CSMD1: variants seen among roughly 807,000 people sequenced by gnomAD.
CSMD1 encodes the protein CUB and sushi domain-containing protein 1.
A neutral mutation model predicts 417.5 loss-of-function variants in CSMD1; 213 were observed. The observed-to-expected ratio is 0.51, with a 90% confidence interval of 0.46 to 0.57. The LOEUF is 0.57. Ranked by LOEUF, CSMD1 falls within the 20% of genes least tolerant of loss-of-function variation. The probability of loss-of-function intolerance (pLI) is 0.00; values close to 1 mark genes in which losing one functional copy is unlikely to be tolerated. For synonymous variants in CSMD1, 2,862 were observed against 1,736.8 expected, an observed-to-expected ratio of 1.65 and a Z score of -16.11; for missense variants, 6,923 against 4,529.7, an observed-to-expected ratio of 1.53 and a Z score of -15.17.
At chr8:4,265,144 G>C (rs1381925851) in intron 3 of CSMD1, among the ~76,000 whole-genome samples, 3 of 152,042 alleles carry the variant, frequency 2.0e-5, no homozygotes, top group Non-Finnish European at 4.4e-5. Flanking sequence ...ATTTGACCTC[G>C]ACTATTATTA....
intron 3 of CSMD1, among the ~76,000 whole-genome samples, chr8:4,273,546 G>C (rs777331426): frequency 7.4e-4 from 112 of 152,208 alleles, no homozygotes; most frequent in Non-Finnish European, 3.1e-4. Context: ...TCAATTTTCA[G>C]TTAAGCAATG....
intron 2 of CSMD1, among the ~76,000 whole-genome samples, chr8:4,457,850 G>A (rs1435133442): frequency 6.6e-6 from 1 of 152,070 alleles, no homozygotes; most frequent in African/African-American, 2.4e-5. Context: ...TGACTTCCGA[G>A]GCTTGGCACC....
chr8:4,587,569 C>A (rs1463607055), intron 2 of CSMD1, among the ~76,000 whole-genome samples: 1 of 151,924 alleles, frequency 6.6e-6, no homozygotes. Flanking sequence ...GATACAGAAC[C>A]TTTCCTAGAT....
chr8:3,949,461 T>C (rs758627465), intron 5 of CSMD1, among the ~76,000 whole-genome samples: 1 of 152,168 alleles, frequency 6.6e-6, no homozygotes, highest in Non-Finnish European at 1.5e-5. Flanking sequence ...AAAGGATACA[T>C]TTTAAGCACC....
chr8:2,968,242 G>A (rs546010822), intron 57 of CSMD1, among the ~76,000 whole-genome samples: 4 of 152,342 alleles, frequency 2.6e-5, no homozygotes, highest in South Asian at 2.1e-4. Context: ...AACAGGTACT[G>A]TGTGGATGGG....
intron 12 of CSMD1, among the ~76,000 whole-genome samples, chr8:3,412,445 C>T (rs973811810): frequency 2.0e-5 from 3 of 152,042 alleles, no homozygotes; most frequent in African/African-American, 7.2e-5. Flanking sequence ...AGAGGTTGAT[C>T]CAGAGATGTT....
intron 52 of CSMD1, among the ~76,000 whole-genome samples, chr8:3,008,874 C>A (rs1808165401): frequency 6.6e-6 from 1 of 152,164 alleles, no homozygotes; most frequent in Non-Finnish European, 1.5e-5. Context: ...TACTTGTTGG[C>A]CGATTTACCT....
intron 3 of CSMD1, among the ~76,000 whole-genome samples, chr8:4,409,429 G>C (rs1241975233): frequency 6.6e-6 from 1 of 151,802 alleles, no homozygotes; most frequent in East Asian, 1.9e-4. Flanking sequence ...TGTCATTTTA[G>C]AATAAAAACA....
intron 1 of CSMD1, among the ~76,000 whole-genome samples, chr8:4,730,327 T>C (rs1809761541): frequency 6.6e-6 from 1 of 152,180 alleles, no homozygotes; most frequent in Admixed American, 6.5e-5. Flanking sequence ...TTCAAAGAAA[T>C]GTTGCAGGCT....
chr8:3,724,577 G>A (rs1802381102), intron 6 of CSMD1, among the ~76,000 whole-genome samples: 1 of 152,070 alleles, frequency 6.6e-6, no homozygotes, highest in African/African-American at 2.4e-5. Flanking sequence ...CTCTGGGCTG[G>A]GAGAGGAATT....
intron 1 of CSMD1, among the ~76,000 whole-genome samples, chr8:4,717,723 AG>A (rs1421375209): frequency 6.6e-6 from 1 of 152,094 alleles, no homozygotes; most frequent in East Asian, 1.9e-4. Context: ...CATACAGTGG[AG>A]CCATGTTTGC....
intron 2 of CSMD1, among the ~76,000 whole-genome samples, chr8:4,469,458 A>C (rs1244273734): frequency 1.3e-5 from 2 of 152,216 alleles, no homozygotes; most frequent in Non-Finnish European, 2.9e-5. Context: ...TATTGGCTAC[A>C]TTTAGAGAAC....
intron 3 of CSMD1, among the ~76,000 whole-genome samples, chr8:4,273,273 C>A (rs950843826): frequency 1.3e-5 from 2 of 152,076 alleles, no homozygotes; most frequent in Non-Finnish European, 2.9e-5. Context: ...TATTAGTTCA[C>A]AAATGAATGT....
intron 1 of CSMD1, among the ~76,000 whole-genome samples, chr8:4,714,404 A>G (rs1471922013): frequency 2.6e-5 from 4 of 152,230 alleles, no homozygotes; most frequent in African/African-American, 9.6e-5. Flanking sequence ...CATCAACTGA[A>G]AGACAAAAAT....
intron 3 of CSMD1, among the ~76,000 whole-genome samples, chr8:4,166,971 ACT>A (rs1221090955): frequency 1.3e-4 from 20 of 152,336 alleles, no homozygotes; most frequent in African/African-American, 4.6e-4. Flanking sequence ...TGCTGAAGGC[ACT>A]GTGCTTTCTG....
At chr8:3,023,774 T>G (rs1362460676) in intron 51 of CSMD1, among the ~76,000 whole-genome samples, 8 of 149,998 alleles carry the variant, frequency 5.3e-5, no homozygotes, top group Non-Finnish European at 1.2e-4. Flanking sequence ...TTCCAGCTCC[T>G]AAGCAAATAA....
rs1011814439 is a variant in CSMD1, at chr8:4,033,369, G to A, written c.416-1270C>T. Among the ~76,000 whole-genome samples the A allele has an allele frequency of 3.3e-5, 5 of 152,216 alleles. No homozygotes were observed. In the East Asian group the frequency reaches 9.7e-4, roughly 30 times the overall value. ...AGGCAGGAGAATGGCGTGAACCCGG[G>A]AGGCGGAGCTTGCGGTGAGCCGAGA... is the stretch of plus-strand genomic sequence containing the variant. On this transcript the variant is annotated intron_variant, in intron 3 of 69. Coordinates refer to ENST00000635120, the MANE Select transcript of CSMD1 (RefSeq NM_033225.6).
chr8:3,548,659 TACACACACACAC>T (rs146360407), intron 10 of CSMD1, among the ~76,000 whole-genome samples: 146 of 133,112 alleles, frequency 1.1e-3, no homozygotes, highest in South Asian at 2.1e-3. Context: ...TATTCCATCA[TACACACACACAC>T]ACACACACAC....
chr8:4,421,630 A>C (rs1797252562), intron 2 of CSMD1, among the ~76,000 whole-genome samples: 3 of 151,898 alleles, frequency 2.0e-5, no homozygotes, highest in Non-Finnish European at 4.4e-5. Flanking sequence ...AAATACAGAT[A>C]AACTGAATGA....
Sources: allele counts gnomAD v4.1 joint callset (sites outside exome capture counted in the v4.1 genomes callset), GRCh38; gene constraint gnomAD v4.1.1; transcripts MANE v1.5; gene names NCBI Gene and HGNC (gene_info 2026-07-23, HGNC 2026-07-21).